The following TNFRSF1A variants were observed in gnomAD, a reference collection of about 807,000 sequenced individuals.
TNFRSF1A encodes the protein TNF receptor superfamily member 1A.
A neutral mutation model predicts 41.6 loss-of-function variants in TNFRSF1A; 9 were observed. That is an observed-to-expected ratio of 0.22 (90% CI 0.13 to 0.38). The LOEUF is 0.38. TNFRSF1A is among the 10% of genes least tolerant of loss of function. The pLI is 1.00. For synonymous variants in TNFRSF1A, 254 were observed against 248.6 expected, an observed-to-expected ratio of 1.02 and a Z score of -0.21; for missense variants, 463 against 591.5, an observed-to-expected ratio of 0.78 and a Z score of 2.25.
intron 8 of TNFRSF1A, 72 bp from the exon 9 acceptor site, chr12:6,330,138 G>C: frequency 6.2e-7 from 1 of 1,611,508 alleles, no homozygotes; most frequent in South Asian, 1.1e-5. Flanking sequence ...ATTCTACGTG[G>C]GGGTTGGGAC....
At chr12:6,330,141 G>T (rs202108883) in intron 8 of TNFRSF1A, 75 bp from the exon 9 acceptor site, 2 of 1,611,020 alleles carry the variant, frequency 1.2e-6, no homozygotes, top group Non-Finnish European at 1.7e-6. Flanking sequence ...CTACGTGGGG[G>T]TTGGGACTTA....
chr12:6,336,722 C>T lies in TNFRSF1A; in HGVS notation c.40-2478G>A, dbSNP rs4149630. On this transcript the variant is annotated intron_variant, in intron 1 of 9. Coordinates refer to ENST00000162749, the MANE Select transcript of TNFRSF1A (RefSeq NM_001065.4). ...CTCCTAGCCCCTCAGCGGCCTTTAG[C>T]TGAGGCCCCGCCCCAGCTCCTCCTC... Among the ~76,000 whole-genome samples the T allele has an allele frequency of 3.1e-3, 473 of 152,190 alleles. 2 individuals carry two copies. Among genetic ancestry groups the T allele is most frequent in the African/African-American group, 0.011 (450 of 41,504 alleles).
At chr12:6,330,194 G>A in intron 8 of TNFRSF1A, 73 bp downstream of exon 8, 1 of 1,613,236 alleles carries the variant, frequency 6.2e-7, no homozygotes, top group Non-Finnish European at 8.5e-7. Context: ...GATGATTCCA[G>A]GGGATCTGAG....
Position 6,329,127 on chromosome 12 carries a change from G to A in TNFRSF1A, c.*185C>T, listed in dbSNP as rs201643542. On this transcript the variant is annotated 3_prime_UTR_variant, in exon 10 of 10. Coordinates refer to ENST00000162749, the MANE Select transcript of TNFRSF1A (RefSeq NM_001065.4). Reference sequence around the variant, plus strand: ...GCCCACGGCGCACCTCTCTCCGCGCGCACAGCGCTGACTGTCGGCGGCGCG... The same window carrying A: ...GCCCACGGCGCACCTCTCTCCGCGCACACAGCGCTGACTGTCGGCGGCGCG... 1.7e-5 allele frequency: 9 copies of A among 530,790 alleles called. No homozygotes were observed. The highest frequency in any genetic ancestry group is 2.1e-5 in the Non-Finnish European group (7 of 333,186). The allele number at this position is 530,790 out of a possible 1,614,324, so 32.9% of individuals were successfully genotyped here. A position where few individuals can be genotyped will look rare whatever the true frequency, so the allele number is the denominator to read the frequency against.
At position 6,334,322 on chromosome 12, in the gene TNFRSF1A, T is replaced by A. The variant is rs1948091514; in HGVS notation, c.40-78A>T. On this transcript the variant is annotated intron_variant, in intron 1 of 9. Coordinates refer to ENST00000162749, the MANE Select transcript of TNFRSF1A (RefSeq NM_001065.4). This position sits in a 1 kb window ranked among gnomAD's most constrained non-coding sequence, Gnocchi z 5.1. ...GCTTAGGGGTAGCAGATCTAAAACTTCCCTGGCTCAAGTCCTTCCTCAGTG... is the reference window on the plus strand; with the variant it reads ...GCTTAGGGGTAGCAGATCTAAAACTACCCTGGCTCAAGTCCTTCCTCAGTG... The A allele has an allele frequency of 7.4e-7, 1 of 1,353,172 alleles. No individual in the cohort carries two copies. The highest frequency in any genetic ancestry group is 2.3e-5 in the East Asian group (1 of 43,262). The allele number at this position is 1,353,172 out of a possible 1,614,324, so 83.8% of individuals were successfully genotyped here. A position where few individuals can be genotyped will look rare whatever the true frequency, so the allele number is the denominator to read the frequency against.
intron 9 of TNFRSF1A, 63 bp downstream of exon 9, chr12:6,329,715 C>A (rs2136813613): frequency 6.5e-7 from 1 of 1,541,350 alleles, no homozygotes; most frequent in Non-Finnish European, 8.7e-7. Flanking sequence ...CCTCTGGGAG[C>A]GCCTCCCGCG....
rs899670547 is a variant in TNFRSF1A, at chr12:6,334,404, A to C, written c.40-160T>G. 1.3e-5 allele frequency among the ~76,000 whole-genome samples: 2 copies of C among 152,208 alleles called. No individual in the cohort carries two copies. Among genetic ancestry groups the C allele is most frequent in the African/African-American group, 4.8e-5 (2 of 41,442 alleles). ...AGTTTAGAGTTCTTCCTTGAAACTT[A>C]GACAGTTGGGGCCATACAATCTGAT... On this transcript the variant is annotated intron_variant, in intron 1 of 9. Transcript: ENST00000162749. This position sits in a 1 kb window ranked among gnomAD's most constrained non-coding sequence, Gnocchi z 5.1.
At position 6,337,316 on chromosome 12, in the gene TNFRSF1A, G is replaced by A. The variant is rs1279013512; in HGVS notation, c.40-3072C>T. On this transcript the variant is annotated intron_variant, in intron 1 of 9. Coordinates refer to ENST00000162749, the MANE Select transcript of TNFRSF1A (RefSeq NM_001065.4). This position sits in a 1 kb window ranked among gnomAD's most constrained non-coding sequence, Gnocchi z 4.6. ...AGGGCAGGAAGCTGGGGTGCCTGTGGAGAGACAGTTGAGGGGGTGGCCCAA... is the reference window on the plus strand; with the variant it reads ...AGGGCAGGAAGCTGGGGTGCCTGTGAAGAGACAGTTGAGGGGGTGGCCCAA... 2.6e-5 allele frequency among the ~76,000 whole-genome samples: 4 copies of A among 152,204 alleles called. No homozygotes were observed. Among genetic ancestry groups the A allele is most frequent in the African/African-American group, 9.6e-5 (4 of 41,458 alleles).
At chr12:6,332,514 A>G (rs1247063403) in intron 5 of TNFRSF1A, among the ~76,000 whole-genome samples, 1 of 151,242 alleles carries the variant, frequency 6.6e-6, no homozygotes, top group Non-Finnish European at 1.5e-5. Flanking sequence ...TCACATAGCC[A>G]GTAAGTGGCT....
At chr12:6,340,683 T>A (rs1948183957) in intron 1 of TNFRSF1A, among the ~76,000 whole-genome samples, 2 of 151,976 alleles carry the variant, frequency 1.3e-5, no homozygotes, top group African/African-American at 4.8e-5. Context: ...CTGGGGAGAT[T>A]GCTGGAAGAA....
intron 5 of TNFRSF1A, chr12:6,331,556 G>T (rs1452145133): frequency 4.0e-5 from 8 of 199,994 alleles, no homozygotes; most frequent in Non-Finnish European, 7.3e-5. Flanking sequence ...AGTTGTCACT[G>T]GACAGTGTGG....
Position 6,337,307 on chromosome 12 carries a change from GT to G in TNFRSF1A, c.40-3064del, listed in dbSNP as rs894024663. ...TGGAGCAGAAGGGCAGGAAGCTGGG[GT>G]GCCTGTGGAGAGACAGTTGAGGGGG... is the stretch of plus-strand genomic sequence containing the variant. On this transcript the variant is annotated intron_variant, in intron 1 of 9. Coordinates refer to ENST00000162749, the MANE Select transcript of TNFRSF1A (RefSeq NM_001065.4). This position sits in a 1 kb window ranked among gnomAD's most constrained non-coding sequence, Gnocchi z 4.6. 1.3e-5 allele frequency among the ~76,000 whole-genome samples: 2 copies of G among 152,208 alleles called. No individual in the cohort carries two copies. Among genetic ancestry groups the G allele is most frequent in the Non-Finnish European group, 1.5e-5 (1 of 68,038 alleles).
chr12:6,330,561 C>T (rs781266006), intron 7 of TNFRSF1A, 37 bp downstream of exon 7: 14 of 1,509,182 alleles, frequency 9.3e-6, no homozygotes, highest in African/African-American at 2.8e-5. Flanking sequence ...TCCCTCACCC[C>T]CACCAGCTCC....
At chr12:6,330,965 C>T (rs1565466823) in intron 5 of TNFRSF1A, 39 bp from the exon 6 acceptor site, 1 of 1,563,880 alleles carries the variant, frequency 6.4e-7, no homozygotes, top group Non-Finnish European at 8.8e-7. Context: ...GAGGCCCTAC[C>T]ATTGGAGGAA....
rs1044426963 is a variant in TNFRSF1A at position 6,334,654 on chromosome 12, T to C, written c.40-410A>G. ...CTGGGACTACGGCCGTGAACCACCA[T>C]GCCCAGCTAATTTTTTTTTATTTTT... On this transcript the variant is annotated intron_variant, in intron 1 of 9. Transcript: ENST00000162749. The surrounding 1 kb of genome is among the most constrained non-coding windows in gnomAD (Gnocchi z 5.1). 1.1e-4 allele frequency among the ~76,000 whole-genome samples: 17 copies of C among 152,230 alleles called. No individual in the cohort carries two copies. Among genetic ancestry groups the C allele is most frequent in the African/African-American group, 4.1e-4 (17 of 41,546 alleles).
chr12:6,334,026 G>C lies in TNFRSF1A; in HGVS notation c.193+65C>G. ...CAGCAAAGTTAGGGAAGAACAACTG[G>C]AAGAAGCAGAGAAAGAAGCAGCACC... On this transcript the variant is annotated intron_variant, in intron 2 of 9. Coordinates refer to ENST00000162749, the MANE Select transcript of TNFRSF1A (RefSeq NM_001065.4). This position sits in a 1 kb window ranked among gnomAD's most constrained non-coding sequence, Gnocchi z 5.1. The C allele has an allele frequency of 6.2e-7, 1 of 1,612,286 alleles. No homozygotes were observed. The highest frequency in any genetic ancestry group is 8.5e-7 in the Non-Finnish European group (1 of 1,178,370).
Position 6,333,413 on chromosome 12 carries a change from C to T in TNFRSF1A, c.426G>A (p.Gln142=). 6.2e-7 allele frequency: 1 copy of T among 1,614,036 alleles called. No homozygotes were observed. ...TGAGGCAGAGGCTGCAATTGAAGCA[C>T]TGGAAAAGGTTTTCACTCCAATAAT... is the stretch of plus-strand genomic sequence containing the variant. ...YRHYWSENLF[Q]CFNCSLCLNG... The change falls in exon 4 of 10, where the codon CAG becomes CAA. Residue 142 remains glutamine (Q), a synonymous_variant. Coordinates refer to ENST00000162749, the MANE Select transcript of TNFRSF1A (RefSeq NM_001065.4). This position sits in a 1 kb window ranked among gnomAD's most constrained non-coding sequence, Gnocchi z 6.3.
At chr12:6,340,030 CT>C (rs1555108997) in intron 1 of TNFRSF1A, among the ~76,000 whole-genome samples, 24 of 152,308 alleles carry the variant, frequency 1.6e-4, no homozygotes, top group Non-Finnish European at 2.9e-5. Flanking sequence ...AGGCACTTCC[CT>C]TTACCTGTTC....
Position 6,334,044 on chromosome 12 carries a change from GCAGCACCC to G in TNFRSF1A, c.193+39_193+46del. On this transcript the variant is annotated intron_variant, in intron 2 of 9. Coordinates refer to ENST00000162749, the MANE Select transcript of TNFRSF1A (RefSeq NM_001065.4). This position sits in a 1 kb window ranked among gnomAD's most constrained non-coding sequence, Gnocchi z 5.1. ...ACAACTGGAAGAAGCAGAGAAAGAA[GCAGCACCC>G]CAGACCTGAGGGCATTCACCGTTTC... 1 of 1,613,592 alleles carries G rather than the reference GCAGCACCC, an allele frequency of 6.2e-7. No individual in the cohort carries two copies.
Sources: gnomAD v4.1 joint callset for allele counts (sites outside exome capture counted in the v4.1 genomes callset) on GRCh38, gnomAD v4.1.1 for gene constraint, Gnocchi (gnomAD v3.1) non-coding constraint, MANE v1.5 for transcripts, NCBI Gene and HGNC (gene_info 2026-07-23, HGNC 2026-07-21) for gene names.